Variants in AGTPBP1 observed in about 807,000 individuals in gnomAD.
AGTPBP1 encodes cytosolic carboxypeptidase 1.
A neutral mutation model predicts 143.9 loss-of-function variants in AGTPBP1; 70 were observed. The observed-to-expected ratio is 0.49, with a 90% CI of 0.40 to 0.59. The LOEUF (loss-of-function observed/expected upper bound fraction) is 0.59, where lower values mean the gene tolerates loss of function less well. Among genes scored for constraint, AGTPBP1 ranks in the 20% least tolerant of loss-of-function variants. The pLI is 0.00. For missense variants in AGTPBP1, 1,229 were observed against 1,464.5 expected, an observed-to-expected ratio of 0.84 and a Z score of 2.62; for synonymous variants, 463 against 500.2, an observed-to-expected ratio of 0.93 and a Z score of 0.99.
chr9:85,580,253 G>A (rs1438458283), intron 23 of AGTPBP1, among the ~76,000 whole-genome samples: 1 of 148,662 alleles, frequency 6.7e-6, no homozygotes, highest in East Asian at 2.0e-4. Context: ...AAAAAAAAAA[G>A]AACTCTCTCT....
At chr9:85,692,836 G>C (rs1388624822) in intron 2 of AGTPBP1, 23 bp from the exon 3 acceptor site, 6 of 1,607,480 alleles carry the variant, frequency 3.7e-6, no homozygotes, top group Non-Finnish European at 5.1e-6. Flanking sequence ...TAGAATGTTA[G>C]GGCACATTCT....
At chr9:85,586,610 A>G (rs1483806366) in intron 22 of AGTPBP1, among the ~76,000 whole-genome samples, 1 of 152,230 alleles carries the variant, frequency 6.6e-6, no homozygotes, top group Non-Finnish European at 1.5e-5. Context: ...TCAAACAGTG[A>G]AGTTAAATAT....
the AGTPBP1 span, among the ~76,000 whole-genome samples, chr9:85,797,036 C>T: frequency 6.2e-3 from 949 of 152,262 alleles, 14 homozygotes; most frequent in African/African-American, 0.022. Context: ...CTGCCCGCCT[C>T]GGCCTCCCAA....
At chr9:85,593,734 G>C (rs1365119409) in intron 18 of AGTPBP1, among the ~76,000 whole-genome samples, 1 of 152,028 alleles carries the variant, frequency 6.6e-6, no homozygotes, top group Non-Finnish European at 1.5e-5. Context: ...GTTGATACTG[G>C]GTGATGAATA....
At chr9:85,590,685 A>G (rs77763874) in intron 19 of AGTPBP1, among the ~76,000 whole-genome samples, 2,524 of 152,282 alleles carry the variant, frequency 0.017, 30 homozygotes, top group Middle Eastern at 0.054. Flanking sequence ...AAGTCTGGGC[A>G]GTGAGGAAAG....
the AGTPBP1 span, chr9:85,753,211 G>A: frequency 5.4e-5 from 80 of 1,494,444 alleles, 1 homozygote; most frequent in Admixed American, 1.7e-3. Flanking sequence ...GCGAGATCTT[G>A]TCTCCAAAAA....
chr9:85,752,085 A>C, the AGTPBP1 span, among the ~76,000 whole-genome samples: 1 of 151,932 alleles, frequency 6.6e-6, no homozygotes, highest in South Asian at 2.1e-4. Flanking sequence ...AAAAATACAA[A>C]AATTAGCCAG....
intron 13 of AGTPBP1, among the ~76,000 whole-genome samples, chr9:85,633,590 T>C (rs1337301226): frequency 1.3e-5 from 2 of 152,154 alleles, no homozygotes; most frequent in South Asian, 2.1e-4. Flanking sequence ...CACAGAAATG[T>C]GGGAAATCTT....
At position 85,564,574 on chromosome 9, in the gene AGTPBP1, T is replaced by C. The variant is rs77319512; in HGVS notation, c.3503+10741A>G. 9.9e-3 allele frequency among the ~76,000 whole-genome samples: 1,501 copies of C among 152,352 alleles called. 15 individuals carry two copies. The highest frequency in any genetic ancestry group is 0.013 in the Non-Finnish European group (905 of 68,028). ...TGTGCTTTTTCTATATTCAAATATG[T>C]TCAAATACAGAAATACTTCCCATTG... is the stretch of plus-strand genomic sequence containing the variant. On this transcript the variant is annotated intron_variant, in intron 25 of 25. Transcript: ENST00000357081.
the AGTPBP1 span, among the ~76,000 whole-genome samples, chr9:85,762,979 A>G: frequency 0.11 from 16,090 of 151,514 alleles, 941 homozygotes; most frequent in Middle Eastern, 0.16. Context: ...TCCTGAAAGC[A>G]TCTAGACAAA....
Position 85,547,208 on chromosome 9 carries a change from C to A in AGTPBP1, c.3582G>T (p.Glu1194Asp). ...EVDYSAESND[E>D]LDIELAENVG... ...CATTTTCAGCCAACTCAATATCTAACTCATCATTACTTTCTGCACTGTAAT... is the reference window on the plus strand; with the variant it reads ...CATTTTCAGCCAACTCAATATCTAAATCATCATTACTTTCTGCACTGTAAT... Residue 1194 changes from glutamate to aspartate, a missense_variant, in exon 26 of 26, where the codon GAG becomes GAT. This residue lies in a region of AGTPBP1 where 486 missense variants were observed against 652.3 expected (regional missense o/e 0.75). Coordinates refer to ENST00000357081, the MANE Select transcript of AGTPBP1 (RefSeq NM_001330701.2). 1.2e-6 allele frequency: 2 copies of A among 1,613,742 alleles called. No individual in the cohort carries two copies. Among genetic ancestry groups the A allele is most frequent in the South Asian group, 2.2e-5 (2 of 91,040 alleles).
intron 3 of AGTPBP1, among the ~76,000 whole-genome samples, chr9:85,689,555 T>A (rs1835704830): frequency 6.6e-6 from 1 of 152,170 alleles, no homozygotes; most frequent in Non-Finnish European, 1.5e-5. Flanking sequence ...TAATGCCACA[T>A]GAATATCTCT....
chr9:85,766,508 T>G, the AGTPBP1 span, among the ~76,000 whole-genome samples: 1 of 152,156 alleles, frequency 6.6e-6, no homozygotes, highest in Non-Finnish European at 1.5e-5. Context: ...AGGTTTCTAT[T>G]TCATGTGGGA....
At chr9:85,639,494 G>A (rs561943633) in intron 13 of AGTPBP1, among the ~76,000 whole-genome samples, 3 of 151,996 alleles carry the variant, frequency 2.0e-5, no homozygotes, top group Non-Finnish European at 4.4e-5. Context: ...CAAAAGTCAA[G>A]ACACAGCACT....
chr9:85,705,112 G>A (rs1349581148), intron 2 of AGTPBP1, among the ~76,000 whole-genome samples: 1 of 151,298 alleles, frequency 6.6e-6, no homozygotes, highest in East Asian at 1.9e-4. Context: ...GGACAAGAGA[G>A]AGAGAAAAGA....
In AGTPBP1 at chr9:85,546,918, C is replaced by T. The variant is rs902183690; in HGVS notation, c.*191G>A. ...ATGCTACATAAAGTGCATTGAATATCGAAAATAAAACAAGCGCCAATTTTA... is the reference window on the plus strand; with the variant it reads ...ATGCTACATAAAGTGCATTGAATATTGAAAATAAAACAAGCGCCAATTTTA... On this transcript the variant is annotated 3_prime_UTR_variant, in exon 26 of 26. Coordinates refer to ENST00000357081, the MANE Select transcript of AGTPBP1 (RefSeq NM_001330701.2). 5 of 481,626 alleles carry T rather than the reference C, an allele frequency of 1.0e-5. No individual in the cohort carries two copies. The Admixed American group carries it at 1.2e-4, about 12-fold the overall frequency. The allele number at this position is 481,626 out of a possible 1,614,324, so 29.8% of individuals were successfully genotyped here.
At chr9:85,768,117 A>AG in the AGTPBP1 span, among the ~76,000 whole-genome samples, 2 of 152,220 alleles carry the variant, frequency 1.3e-5, no homozygotes, top group Non-Finnish European at 2.9e-5. Flanking sequence ...GCTGAGTTAG[A>AG]GGGAACTGCA....
At chr9:85,581,360 T>C (rs1433607953) in intron 23 of AGTPBP1, among the ~76,000 whole-genome samples, 4 of 152,242 alleles carry the variant, frequency 2.6e-5, no homozygotes, top group African/African-American at 4.8e-5. Flanking sequence ...TCAGATGTCT[T>C]AGTGGACTTA....
At chr9:85,637,914 C>CAAGTA (rs1317071945) in intron 13 of AGTPBP1, among the ~76,000 whole-genome samples, 1 of 152,056 alleles carries the variant, frequency 6.6e-6, no homozygotes, top group African/African-American at 2.4e-5. Context: ...AGTGCACATG[C>CAAGTA]AAGTACACGC....
Sources: gnomAD v4.1 joint callset for allele counts (sites outside exome capture counted in the v4.1 genomes callset) on GRCh38, gnomAD v4.1.1 for gene constraint, gnomAD v4.1.1 regional missense constraint, MANE v1.5 for transcripts, NCBI Gene and HGNC (gene_info 2026-07-23, HGNC 2026-07-21) for gene names.